RAB27B: variants seen among roughly 807,000 people sequenced by gnomAD.
The protein encoded by RAB27B is ras-related protein Rab-27B.
RAB27B carries 15 observed loss-of-function variants against 24.6 expected under a neutral mutation model. That is an observed-to-expected ratio of 0.61 (90% CI 0.41 to 0.94). The LOEUF (loss-of-function observed/expected upper bound fraction) is 0.94, where lower values mean the gene tolerates loss of function less well. Among genes scored for constraint, RAB27B ranks in the 40% least tolerant of loss-of-function variants. The probability of loss-of-function intolerance (pLI) is 0.00; values close to 1 mark genes in which losing one functional copy is unlikely to be tolerated. For synonymous variants in RAB27B, 105 were observed against 92.5 expected (o/e 1.14, Z -0.78); for missense variants, 261 against 266.8 (o/e 0.98, Z 0.15).
upstream of RAB27B, among the ~76,000 whole-genome samples, chr18:54,824,355 G>A (rs1165400924): frequency 6.6e-6 from 1 of 152,204 alleles, no homozygotes; most frequent in African/African-American, 2.4e-5. Context: ...CTTTAAGACT[G>A]TAACAGAGTG....
At chr18:54,720,880 A>G (rs898029146) in intron 2 of RAB27B, among the ~76,000 whole-genome samples, 23 of 152,162 alleles carry the variant, frequency 1.5e-4, no homozygotes, top group African/African-American at 5.5e-4. Flanking sequence ...CACATGCCAC[A>G]ATAAATAGGA....
At chr18:54,745,030 G>A in intron 2 of RAB27B, 1 of 179,050 alleles carries the variant, frequency 5.6e-6, no homozygotes, top group Admixed American at 6.0e-5. Flanking sequence ...GCTACCACTT[G>A]AGTCACTCCT....
chr18:54,876,286 A>T (rs1912697565), intron 1 of RAB27B, among the ~76,000 whole-genome samples: 1 of 152,186 alleles, frequency 6.6e-6, no homozygotes, highest in African/African-American at 2.4e-5. Flanking sequence ...GATTATGGGG[A>T]TTACAATTCA....
At chr18:54,879,100 C>A (rs1012071267) in intron 2 of RAB27B, among the ~76,000 whole-genome samples, 9 of 152,228 alleles carry the variant, frequency 5.9e-5, no homozygotes, top group Admixed American at 5.2e-4. Flanking sequence ...GGTCCTAAAT[C>A]TGATGTTTGC....
chr18:54,815,945 C>A, intron 2 of RAB27B, among the ~76,000 whole-genome samples: 1 of 152,118 alleles, frequency 6.6e-6, no homozygotes, highest in African/African-American at 2.4e-5. Context: ...TAATAAATTA[C>A]CAGCTAAATA....
At chr18:54,852,455 T>A (rs146187427) in intron 1 of RAB27B, among the ~76,000 whole-genome samples, 1 of 152,344 alleles carries the variant, frequency 6.6e-6, no homozygotes. Context: ...CTCCTATTTT[T>A]AATTTGGAAA....
intron 2 of RAB27B, among the ~76,000 whole-genome samples, chr18:54,803,542 G>A (rs1039071798): frequency 2.0e-5 from 3 of 152,140 alleles, no homozygotes; most frequent in Non-Finnish European, 4.4e-5. Context: ...GCTCTCCCTG[G>A]CTTCTGGGTG....
chr18:54,822,481 C>T (rs934798786), intron 2 of RAB27B, among the ~76,000 whole-genome samples: 4 of 152,222 alleles, frequency 2.6e-5, no homozygotes, highest in Admixed American at 1.3e-4. Flanking sequence ...ATGGTAAGCC[C>T]ATATGACATT....
At chr18:54,833,653 T>C (rs1910781411) in intron 1 of RAB27B, among the ~76,000 whole-genome samples, 1 of 152,142 alleles carries the variant, frequency 6.6e-6, no homozygotes, top group Non-Finnish European at 1.5e-5. Flanking sequence ...CTTCTTTAAA[T>C]GAGAAAGACT....
intron 2 of RAB27B, among the ~76,000 whole-genome samples, chr18:54,773,530 G>T (rs182168000): frequency 6.6e-6 from 1 of 152,180 alleles, no homozygotes; most frequent in Non-Finnish European, 1.5e-5. Context: ...TTTTGTCACA[G>T]GTAGTCCTAT....
At position 54,837,595 on chromosome 18, in the gene RAB27B, T is replaced by C. The variant is rs369735687; in HGVS notation, c.-20+8895T>C. On this transcript the variant is annotated intron_variant, in intron 1 of 5. Coordinates refer to ENST00000262094, the MANE Select transcript of RAB27B (RefSeq NM_004163.4). ...CTGGGAAATGCAGGCACACGGGTGA[T>C]CTCCAAAATCTATGAGACCAAATGC... Among the ~76,000 whole-genome samples, 19 of 152,042 alleles carry C rather than the reference T, an allele frequency of 1.2e-4. No homozygotes were observed. In the East Asian group the frequency reaches 1.9e-3, roughly 15 times the overall value.
intron 2 of RAB27B, among the ~76,000 whole-genome samples, chr18:54,777,129 T>A (rs1468898753): frequency 6.6e-6 from 1 of 152,234 alleles, no homozygotes; most frequent in Non-Finnish European, 1.5e-5. Context: ...ATGCTTTATT[T>A]GTATACATTC....
intron 1 of RAB27B, among the ~76,000 whole-genome samples, chr18:54,864,957 GGATTAAAT>G (rs1347367846): frequency 6.6e-6 from 1 of 151,874 alleles, no homozygotes. Context: ...ATTTTGAGAG[GGATTAAAT>G]TAAATGTGTA....
intron 2 of RAB27B, among the ~76,000 whole-genome samples, chr18:54,759,014 G>T (rs943516153): frequency 6.6e-6 from 1 of 152,124 alleles, no homozygotes; most frequent in Non-Finnish European, 1.5e-5. Context: ...AAGAAGTAAA[G>T]AAACATTTCC....
chr18:54,728,447 C>T (rs915898690), intron 2 of RAB27B, among the ~76,000 whole-genome samples: 2 of 152,192 alleles, frequency 1.3e-5, no homozygotes, highest in African/African-American at 4.8e-5. Context: ...AATCCTCTAC[C>T]TAGCAAAATT....
intron 1 of RAB27B, among the ~76,000 whole-genome samples, chr18:54,861,867 G>C (rs1038784651): frequency 1.3e-5 from 2 of 152,150 alleles, no homozygotes; most frequent in African/African-American, 4.8e-5. Context: ...TGGCCTCTTT[G>C]TGTGTATTTC....
At chr18:54,829,613 G>A (rs1163217133) in intron 1 of RAB27B, among the ~76,000 whole-genome samples, 1 of 152,106 alleles carries the variant, frequency 6.6e-6, no homozygotes, top group Non-Finnish European at 1.5e-5. Context: ...AATGTCTACA[G>A]TTCTCAATAT....
At chr18:54,838,565 C>T (rs1910985294) in intron 1 of RAB27B, among the ~76,000 whole-genome samples, 1 of 152,096 alleles carries the variant, frequency 6.6e-6, no homozygotes, top group Non-Finnish European at 1.5e-5. Context: ...TCTCTGTGTT[C>T]TTTCTGGATT....
chr18:54,834,025 C>T (rs879441866), intron 1 of RAB27B, among the ~76,000 whole-genome samples: 7 of 152,134 alleles, frequency 4.6e-5, no homozygotes, highest in Non-Finnish European at 1.0e-4. Flanking sequence ...AACTAAACAA[C>T]CCTCAAGCTC....
Sources: allele counts gnomAD v4.1 joint callset (sites outside exome capture counted in the v4.1 genomes callset), GRCh38; gene constraint gnomAD v4.1.1; transcripts MANE v1.5; gene names NCBI Gene and HGNC (gene_info 2026-07-23, HGNC 2026-07-21).